The following ART1 variants were observed in gnomAD, a reference collection of about 807,000 sequenced individuals.
The protein encoded by ART1 is GPI-linked NAD(P)(+)--arginine ADP-ribosyltransferase 1.
Under a neutral mutation model 27.0 loss-of-function variants are expected in ART1, and 29 were observed. The observed-to-expected ratio is 1.08, with a 90% CI of 0.80 to 1.47. The LOEUF (loss-of-function observed/expected upper bound fraction) is 1.47. ART1 is among the 40% of genes most tolerant of loss of function. The probability of loss-of-function intolerance (pLI) is 0.00; values close to 1 mark genes in which losing one functional copy is unlikely to be tolerated. For synonymous variants in ART1, 201 were observed against 172.2 expected, an observed-to-expected ratio of 1.17 and a Z score of -1.31; for missense variants, 480 against 423.0, an observed-to-expected ratio of 1.13 and a Z score of -1.18.
At position 3,664,076 on chromosome 11, in the gene ART1, C is replaced by G; in HGVS notation, c.887-16C>G. 4 of 1,612,882 alleles carry G rather than the reference C, an allele frequency of 2.5e-6. No individual in the cohort carries two copies. The highest frequency in any genetic ancestry group is 3.4e-6 in the Non-Finnish European group (4 of 1,179,580). ...CTCTCTCTCTCCCCCAACCTCTCTGCCTGTTTTCCCTGCAGCCATGGGTCA... is the reference window on the plus strand; with the variant it reads ...CTCTCTCTCTCCCCCAACCTCTCTGGCTGTTTTCCCTGCAGCCATGGGTCA... On this transcript the variant is annotated splice_polypyrimidine_tract_variant and intron_variant, in intron 4 of 4. Transcript: ENST00000250693.
intron 1 of ART1, among the ~76,000 whole-genome samples, chr11:3,650,478 C>G (rs974763532): frequency 6.6e-6 from 1 of 152,200 alleles, no homozygotes; most frequent in African/African-American, 2.4e-5. Flanking sequence ...GTAACTCTCA[C>G]AGTGGAAAGT....
intron 1 of ART1, among the ~76,000 whole-genome samples, chr11:3,652,363 C>A (rs1262129613): frequency 6.7e-6 from 1 of 148,758 alleles, no homozygotes; most frequent in African/African-American, 2.6e-5. Flanking sequence ...CTAGTCAAAT[C>A]AGCCAAGCAG....
chr11:3,658,187 G>T (rs1024955612), intron 1 of ART1, among the ~76,000 whole-genome samples: 2 of 151,846 alleles, frequency 1.3e-5, no homozygotes, highest in African/African-American at 2.4e-5. Context: ...ACAAAAATTA[G>T]CTGGGTGTGG....
At position 3,660,170 on chromosome 11, in the gene ART1, C is replaced by A. The variant is rs141734720; in HGVS notation, c.651C>A (p.Thr217=). 4.3e-6 allele frequency: 7 copies of A among 1,614,072 alleles called. No individual in the cohort carries two copies. The highest frequency in any genetic ancestry group is 5.1e-6 in the Non-Finnish European group (6 of 1,180,046). Residue 217 remains threonine (T), a synonymous_variant, in exon 3 of 5, where the codon ACC becomes ACA. Transcript: ENST00000250693. ...HVAAQQFGED[T]FFGIWTCLGA... ...CAGCCCAGCAGTTTGGTGAGGACAC[C>A]TTCTTCGGCATCTGGACCTGCCTTG...
chr11:3,654,905 T>C (rs12295405), intron 1 of ART1, among the ~76,000 whole-genome samples: 97,185 of 150,942 alleles, frequency 0.64, 32,033 homozygotes, highest in Admixed American at 0.8. Flanking sequence ...ATCTTGTTTA[T>C]TGTAGAGCAG....
At chr11:3,653,769 T>C (rs1284961546) in intron 1 of ART1, among the ~76,000 whole-genome samples, 3 of 151,890 alleles carry the variant, frequency 2.0e-5, no homozygotes, top group South Asian at 2.1e-4. Flanking sequence ...AGACATCAAG[T>C]CTTGTAAATT....
intron 1 of ART1, among the ~76,000 whole-genome samples, chr11:3,658,429 G>C (rs775227763): frequency 6.6e-6 from 1 of 151,950 alleles, no homozygotes; most frequent in African/African-American, 2.4e-5. Context: ...GAACCACTTC[G>C]GGCACTCCGC....
chr11:3,652,282 C>G lies in ART1; in HGVS notation c.-52-6880C>G, dbSNP rs181267280. On this transcript the variant is annotated intron_variant, in intron 1 of 4. Transcript: ENST00000250693. ...AGAAGGCCACCGCAGTCATTTCTTC[C>G]CTTCTGTCAGACATAATTCCTCAGT... is the stretch of plus-strand genomic sequence containing the variant. Among the ~76,000 whole-genome samples, 795 of 151,294 alleles carry G rather than the reference C, an allele frequency of 5.3e-3. 10 individuals are homozygous for G. Among genetic ancestry groups the G allele is most frequent in the African/African-American group, 0.017 (689 of 40,676 alleles).
At chr11:3,658,334 G>GA (rs565452996) in intron 1 of ART1, among the ~76,000 whole-genome samples, 1,696 of 128,330 alleles carry the variant, frequency 0.013, 36 homozygotes, top group African/African-American at 0.037. Flanking sequence ...CTTGGTCTCG[G>GA]AAAAAAAAAA....
At chr11:3,650,078 T>C (rs1432575676) in intron 1 of ART1, among the ~76,000 whole-genome samples, 1 of 152,198 alleles carries the variant, frequency 6.6e-6, no homozygotes, top group Admixed American at 6.5e-5. Context: ...GCAATGTATT[T>C]CTGAGTTGCA....
At chr11:3,649,867 C>G (rs1035790684) in intron 1 of ART1, among the ~76,000 whole-genome samples, 15 of 152,184 alleles carry the variant, frequency 9.9e-5, no homozygotes, top group African/African-American at 3.6e-4. Context: ...GCTCGTTCGG[C>G]AGCAACCCTG....
At chr11:3,646,014 G>A (rs370450994) in intron 1 of ART1, among the ~76,000 whole-genome samples, 3 of 152,138 alleles carry the variant, frequency 2.0e-5, no homozygotes, top group Non-Finnish European at 2.9e-5. Context: ...GGATAAGGAC[G>A]CTGGCCTCTG....
At chr11:3,658,157 ACC>A (rs1180254880) in intron 1 of ART1, among the ~76,000 whole-genome samples, 6 of 151,872 alleles carry the variant, frequency 4.0e-5, no homozygotes, top group African/African-American at 1.5e-4. Context: ...GCATGGTGAA[ACC>A]CCGTCTTTAC....
In ART1 at chr11:3,647,518, C is replaced by A. The variant is rs559638088; in HGVS notation, c.-53+2339C>A. 3.7e-3 allele frequency among the ~76,000 whole-genome samples: 557 copies of A among 149,222 alleles called. 1 individual carries two copies. Among genetic ancestry groups the A allele is most frequent in the Non-Finnish European group, 6.1e-3 (411 of 67,562 alleles). On this transcript the variant is annotated intron_variant, in intron 1 of 4. Transcript: ENST00000250693. ...GCGTGCTTGTGGGCACCTGTAGTAC[C>A]AGCTACTTGGGAAGTTGAGGTGGGA... is the stretch of plus-strand genomic sequence containing the variant.
At chr11:3,658,367 A>G (rs2077590226) in intron 1 of ART1, among the ~76,000 whole-genome samples, 2 of 151,654 alleles carry the variant, frequency 1.3e-5, no homozygotes, top group Non-Finnish European at 2.9e-5. Context: ...AAAGAAAAAA[A>G]AGGAAACTGC....
chr11:3,647,428 G>A (rs1398247365), intron 1 of ART1, among the ~76,000 whole-genome samples: 2 of 152,032 alleles, frequency 1.3e-5, no homozygotes, highest in Admixed American at 6.5e-5. Flanking sequence ...CTGAGGTCAG[G>A]AGTTCCAGAA....
intron 3 of ART1, 128 bp from the exon 4 acceptor site, chr11:3,661,244 A>T: frequency 1.3e-6 from 1 of 787,078 alleles, no homozygotes; most frequent in South Asian, 2.0e-5. Flanking sequence ...ACCATGAAAG[A>T]GCAGAATTAG....
At position 3,660,082 on chromosome 11, in the gene ART1, C is replaced by T. The variant is rs769388795; in HGVS notation, c.563C>T (p.Pro188Leu). ...FRGVHGLRFRPAGPRATVRLG... is the reference protein window; with the variant it reads ...FRGVHGLRFRLAGPRATVRLG... Reference sequence around the variant, plus strand: ...GGTGTGCACGGCCTGCGCTTCCGGCCAGCAGGGCCCCGGGCCACCGTGAGG... The same window carrying T: ...GGTGTGCACGGCCTGCGCTTCCGGCTAGCAGGGCCCCGGGCCACCGTGAGG... Residue 188 changes from proline to leucine, a missense_variant, in exon 3 of 5, where the codon CCA (proline) becomes CTA (leucine). Pro to Leu is a moderately conservative substitution (Grantham distance 98). Transcript: ENST00000250693. The T allele has an allele frequency of 6.2e-7, 1 of 1,613,722 alleles. No individual in the cohort carries two copies. Among genetic ancestry groups the T allele is most frequent in the Admixed American group, 1.7e-5 (1 of 60,008 alleles).
At position 3,660,338 on chromosome 11, in the gene ART1, C is replaced by T. The variant is rs1392234566; in HGVS notation, c.819C>T (p.Ser273=). ...ACCTCCGAGCCCTGGGCAAGCACAG[C>T]ACCTACAACTGCGAGTACATCAAAG... ...RIYLRALGKH[S]TYNCEYIKDK... is the part of the protein sequence containing the mutation. The change falls in exon 3 of 5, where the codon AGC becomes AGT. Residue 273 remains serine (S), a synonymous_variant. Transcript: ENST00000250693. The T allele has an allele frequency of 1.2e-6, 2 of 1,603,916 alleles. No individual in the cohort carries two copies. Among genetic ancestry groups the T allele is most frequent in the Non-Finnish European group, 1.7e-6 (2 of 1,179,578 alleles).
Sources: allele counts gnomAD v4.1 joint callset (sites outside exome capture counted in the v4.1 genomes callset), GRCh38; gene constraint gnomAD v4.1.1; transcripts MANE v1.5; gene names NCBI Gene and HGNC (gene_info 2026-07-23, HGNC 2026-07-21).